DMD: variants seen among roughly 807,000 people sequenced by gnomAD.
DMD encodes the protein dystrophin.
In DMD, 63 loss-of-function variants were observed where a neutral mutation model predicts 330.1. The observed-to-expected ratio is 0.19, with a 90% confidence interval of 0.16 to 0.24. The LOEUF is 0.24. Among genes scored for constraint, DMD ranks in the 10% least tolerant of loss-of-function variants. DMD has a pLI of 1.00. For missense variants in DMD, 3,344 were observed against 2,684.1 expected, an observed-to-expected ratio of 1.25 and a Z score of -5.43; for synonymous variants, 1,223 against 959.8, an observed-to-expected ratio of 1.27 and a Z score of -5.07.
rs1449139242 is a variant in DMD, at chrX:32,699,098, T to C, written c.831+14A>G. 1 of 1,200,198 alleles carries C rather than the reference T, an allele frequency of 8.3e-7. No individual in the cohort carries two copies. The highest frequency in any genetic ancestry group is 1.8e-5 in the South Asian group (1 of 56,755). Reference sequence around the variant, plus strand: ...AAAACATCTTGAATAGTAGCTGTCCTTTACACACTTTACCTGTTGAGAATA... The same window carrying C: ...AAAACATCTTGAATAGTAGCTGTCCCTTACACACTTTACCTGTTGAGAATA... On this transcript the variant is annotated intron_variant, in intron 8 of 78. Coordinates refer to ENST00000357033, the MANE Select transcript of DMD (RefSeq NM_004006.3).
intron 57 of DMD, among the ~76,000 whole-genome samples, chrX:31,486,432 C>T (rs1289013300): frequency 1.8e-5 from 2 of 112,361 alleles, no homozygotes; most frequent in East Asian, 5.6e-4. Context: ...TACTCATGTT[C>T]CAGATCCAAA....
intron 22 of DMD, 118 bp downstream of exon 22, chrX:32,472,046 A>G (rs2040690736): frequency 3.3e-6 from 3 of 916,868 alleles, no homozygotes; most frequent in Non-Finnish European, 4.7e-6. Flanking sequence ...CATTTGCTCA[A>G]TGGGCAAACT....
At chrX:32,655,847 G>T (rs140936529) in intron 9 of DMD, among the ~76,000 whole-genome samples, 1 of 111,333 alleles carries the variant, frequency 9.0e-6, no homozygotes, top group South Asian at 3.8e-4. Context: ...TATATATTTA[G>T]GATAGTTAGC....
chrX:31,204,984 G>A (rs1470241556), intron 66 of DMD, among the ~76,000 whole-genome samples: 3 of 111,684 alleles, frequency 2.7e-5, no homozygotes, highest in African/African-American at 9.8e-5. Context: ...TGTGTCTATC[G>A]TTTTTGGCAG....
At chrX:31,950,965 A>G (rs2095153977) in intron 45 of DMD, among the ~76,000 whole-genome samples, 1 of 106,641 alleles carries the variant, frequency 9.4e-6, no homozygotes, top group Non-Finnish European at 1.9e-5. Flanking sequence ...ACTCCCATTT[A>G]CTATAACTAT....
At chrX:32,020,203 T>C (rs189766412) in intron 44 of DMD, among the ~76,000 whole-genome samples, 3 of 112,410 alleles carry the variant, frequency 2.7e-5, no homozygotes, top group African/African-American at 9.7e-5. Context: ...AAACCTCTCG[T>C]AGTGATTCAA....
intron 43 of DMD, among the ~76,000 whole-genome samples, chrX:32,273,949 G>T (rs1191804072): frequency 1.8e-5 from 2 of 111,988 alleles, no homozygotes; most frequent in Non-Finnish European, 1.9e-5. Flanking sequence ...AAAATAAAGA[G>T]AGTTTCTGGG....
At chrX:31,671,599 G>A (rs749971014) in intron 53 of DMD, among the ~76,000 whole-genome samples, 4 of 112,021 alleles carry the variant, frequency 3.6e-5, no homozygotes, top group African/African-American at 9.7e-5. Context: ...AGAATTCATC[G>A]GGGGAAGACT....
intron 44 of DMD, among the ~76,000 whole-genome samples, chrX:32,143,242 G>A (rs1569546689): frequency 2.7e-5 from 3 of 111,226 alleles, no homozygotes; most frequent in African/African-American, 6.5e-5. Context: ...ATCTTTACCC[G>A]TGTAAAAGAA....
intron 9 of DMD, among the ~76,000 whole-genome samples, chrX:32,685,366 A>G (rs185324778): frequency 2.9e-3 from 330 of 112,014 alleles, no homozygotes; most frequent in African/African-American, 8.9e-3. Context: ...TACATATCTT[A>G]GGAAGCAGAT....
At chrX:33,029,217 A>G (rs747644656) in intron 1 of DMD, among the ~76,000 whole-genome samples, 1 of 111,971 alleles carries the variant, frequency 8.9e-6, no homozygotes, top group African/African-American at 3.2e-5. Flanking sequence ...CCCATTAGAC[A>G]TAAAACTAAC....
chrX:33,054,499 C>A (rs1326306097), intron 1 of DMD, among the ~76,000 whole-genome samples: 1 of 112,052 alleles, frequency 8.9e-6, no homozygotes, highest in Non-Finnish European at 1.9e-5. Flanking sequence ...CAAATTTATT[C>A]TTGAATGTTA....
intron 1 of DMD, among the ~76,000 whole-genome samples, chrX:33,303,745 G>T (rs955780396): frequency 1.1e-4 from 12 of 111,633 alleles, no homozygotes; most frequent in Non-Finnish European, 1.9e-4. Flanking sequence ...TGATGAGGAT[G>T]TGTTTGCTTC....
At chrX:33,248,956 A>G (rs1014977472) in intron 1 of DMD, among the ~76,000 whole-genome samples, 1 of 112,227 alleles carries the variant, frequency 8.9e-6, no homozygotes, top group Admixed American at 9.4e-5. Context: ...AAGCCAATAA[A>G]TGCAATTCAG....
At chrX:32,783,194 G>A (rs1343684770) in intron 7 of DMD, among the ~76,000 whole-genome samples, 1 of 88,842 alleles carries the variant, frequency 1.1e-5, no homozygotes, top group Admixed American at 1.2e-4. Context: ...TACCATATAT[G>A]TATACATATA....
chrX:31,953,933 T>C (rs1305871135), intron 45 of DMD, among the ~76,000 whole-genome samples: 1 of 111,627 alleles, frequency 9.0e-6, no homozygotes, highest in Non-Finnish European at 1.9e-5. Context: ...GCCAGGTTTA[T>C]GTAATGGCCA....
At chrX:32,425,158 G>A (rs1441701199) in intron 29 of DMD, among the ~76,000 whole-genome samples, 1 of 111,352 alleles carries the variant, frequency 9.0e-6, no homozygotes, top group Non-Finnish European at 1.9e-5. Context: ...TAAAACAAAA[G>A]AGCTCCTATT....
chrX:33,201,876 G>A (rs1883684384), intron 1 of DMD, among the ~76,000 whole-genome samples: 2 of 112,205 alleles, frequency 1.8e-5, no homozygotes, highest in South Asian at 7.3e-4. Context: ...CCACTCTAAG[G>A]ATGGCTAACT....
chrX:32,667,092 A>C (rs1032936091), intron 9 of DMD, among the ~76,000 whole-genome samples: 6 of 111,720 alleles, frequency 5.4e-5, no homozygotes, highest in Admixed American at 1.9e-4. Flanking sequence ...AGTCCTTAAA[A>C]AAAGAATGAA....
Sources: allele counts gnomAD v4.1 joint callset (sites outside exome capture counted in the v4.1 genomes callset), GRCh38; gene constraint gnomAD v4.1.1; transcripts MANE v1.5; gene names NCBI Gene and HGNC (gene_info 2026-07-23, HGNC 2026-07-21).